FABP12: variants seen among roughly 807,000 people sequenced by gnomAD.
FABP12 encodes the protein fatty acid-binding protein 12.
In FABP12, 19 loss-of-function variants were observed where a neutral mutation model predicts 13.7. That is an observed-to-expected ratio of 1.39 (90% CI 0.97 to 2.04). The LOEUF (loss-of-function observed/expected upper bound fraction) is 2.04, where lower values mean the gene tolerates loss of function less well. Ranked by LOEUF, FABP12 falls within the 30% of genes most tolerant of loss-of-function variation. The pLI is 0.00. For synonymous variants in FABP12, 61 were observed against 57.0 expected (o/e 1.07, Z -0.32); for missense variants, 182 against 164.2 (o/e 1.11, Z -0.59).
chr8:81,569,716 A>G (rs1685287397), intron 1 of FABP12, among the ~76,000 whole-genome samples: 1 of 152,234 alleles, frequency 6.6e-6, no homozygotes, highest in African/African-American at 2.4e-5. Context: ...TGGGAATGAA[A>G]TGGGTTATTT....
At chr8:81,563,559 C>G (rs1474415540) in intron 1 of FABP12, among the ~76,000 whole-genome samples, 2 of 152,060 alleles carry the variant, frequency 1.3e-5, no homozygotes, top group Non-Finnish European at 2.9e-5. Flanking sequence ...AATTCAGAGT[C>G]TGATCAGATA....
chr8:81,577,738 C>T (rs147466602), intron 1 of FABP12, among the ~76,000 whole-genome samples: 13 of 152,080 alleles, frequency 8.5e-5, no homozygotes, highest in Middle Eastern at 3.4e-3. Flanking sequence ...CTAGCCTGGG[C>T]GACAAAGTGA....
At chr8:81,576,408 T>A (rs1445427279) in intron 1 of FABP12, among the ~76,000 whole-genome samples, 4 of 152,180 alleles carry the variant, frequency 2.6e-5, no homozygotes, top group Admixed American at 6.5e-5. Flanking sequence ...CCCACTCTAG[T>A]TCTCTATCAA....
intron 1 of FABP12, among the ~76,000 whole-genome samples, chr8:81,552,102 A>G (rs138165753): frequency 1.0e-3 from 152 of 152,234 alleles, no homozygotes; most frequent in African/African-American, 3.6e-3. Flanking sequence ...TACGAGGGAA[A>G]CTCAACACAG....
At chr8:81,536,997 A>T (rs1809238134), upstream of FABP12, among the ~76,000 whole-genome samples, 3 of 152,300 alleles carry the variant, frequency 2.0e-5, no homozygotes, top group South Asian at 6.2e-4. Flanking sequence ...AATTTTTAAA[A>T]CTGGGGATCA....
At chr8:81,529,608 T>C (rs915774483) in exon 3 of FABP12, 1 of 1,612,348 alleles carries the variant, frequency 6.2e-7, no homozygotes, top group Non-Finnish European at 8.5e-7. Flanking sequence ...GCTCTTCCTA[T>C]ACCTGGAAAC....
chr8:81,527,022 C>A, exon 4 of FABP12: 1 of 1,599,044 alleles, frequency 6.3e-7, no homozygotes, highest in African/African-American at 1.3e-5. Flanking sequence ...TAACTCACCA[C>A]CACCATTTTC....
chr8:81,554,175 C>G (rs977412631), intron 1 of FABP12, among the ~76,000 whole-genome samples: 1 of 152,086 alleles, frequency 6.6e-6, no homozygotes, highest in African/African-American at 2.4e-5. Context: ...GTGCAAGGCA[C>G]CTAAATTTAT....
At chr8:81,575,474 G>T (rs1810023648) in intron 1 of FABP12, among the ~76,000 whole-genome samples, 2 of 152,118 alleles carry the variant, frequency 1.3e-5, no homozygotes, top group South Asian at 4.1e-4. Context: ...AGGTCCATTT[G>T]TTCCAAGGTA....
intron 1 of FABP12, among the ~76,000 whole-genome samples, chr8:81,532,070 AATTTAGGCT>A (rs1374432454): frequency 6.6e-5 from 10 of 152,120 alleles, no homozygotes; most frequent in African/African-American, 2.4e-4. Context: ...AGTCCTCTTT[AATTTAGGCT>A]ACTTTCTGTT....
intron 1 of FABP12, among the ~76,000 whole-genome samples, chr8:81,583,252 T>TA (rs1205334009): frequency 6.6e-6 from 1 of 151,810 alleles, no homozygotes; most frequent in African/African-American, 2.4e-5. Flanking sequence ...ATCAAAAAAG[T>TA]AGAAATATTT....
chr8:81,578,930 G>A lies in FABP12; in HGVS notation c.-185+11123C>T, dbSNP rs10112268. On this transcript the variant is annotated intron_variant, in intron 1 of 5. Coordinates refer to the FABP12 transcript ENST00000692030. ...AGCTCTGCCTCCCTCCCGGGTTCAC[G>A]CCATTCTCCTGCCTCAGCCTCCGGA... 6.4e-3 allele frequency among the ~76,000 whole-genome samples: 943 copies of A among 146,724 alleles called. 15 individuals carry two copies. Among genetic ancestry groups the A allele is most frequent in the African/African-American group, 0.023 (894 of 39,002 alleles).
intron 1 of FABP12, among the ~76,000 whole-genome samples, chr8:81,562,412 C>G (rs538824919): frequency 6.6e-6 from 1 of 152,116 alleles, no homozygotes. Context: ...AAAGGGACTT[C>G]GTCTTGTAGC....
chr8:81,542,719 T>G (rs1201250040), intron 1 of FABP12, among the ~76,000 whole-genome samples: 4 of 152,206 alleles, frequency 2.6e-5, no homozygotes, highest in Non-Finnish European at 5.9e-5. Context: ...TATTTACGCA[T>G]GCACCCATTT....
chr8:81,582,910 T>C (rs1460745783), intron 1 of FABP12, among the ~76,000 whole-genome samples: 1 of 152,168 alleles, frequency 6.6e-6, no homozygotes, highest in Non-Finnish European at 1.5e-5. Context: ...TACATATTCT[T>C]CTCAGTACAT....
intron 1 of FABP12, among the ~76,000 whole-genome samples, chr8:81,552,359 A>T (rs1293016839): frequency 6.6e-6 from 1 of 152,196 alleles, no homozygotes; most frequent in East Asian, 1.9e-4. Flanking sequence ...TTACAACAGG[A>T]AACACTTAAG....
chr8:81,587,587 C>T (rs1810259341), intron 1 of FABP12, among the ~76,000 whole-genome samples: 1 of 152,018 alleles, frequency 6.6e-6, no homozygotes, highest in African/African-American at 2.4e-5. Context: ...CATTTCTATA[C>T]ACGAGTAATG....
At chr8:81,556,799 GT>G (rs1809624899) in intron 1 of FABP12, among the ~76,000 whole-genome samples, 1 of 146,204 alleles carries the variant, frequency 6.8e-6, no homozygotes, top group South Asian at 2.1e-4. Flanking sequence ...TATATATATG[GT>G]GCTTAAAACA....
intron 1 of FABP12, among the ~76,000 whole-genome samples, chr8:81,567,066 A>G (rs1302292884): frequency 6.6e-6 from 1 of 152,190 alleles, no homozygotes; most frequent in African/African-American, 2.4e-5. Context: ...AGCTACAAAT[A>G]AAATTAAATA....
Sources: allele counts gnomAD v4.1 joint callset (sites outside exome capture counted in the v4.1 genomes callset), GRCh38; gene constraint gnomAD v4.1.1; transcripts MANE v1.5; gene names NCBI Gene and HGNC (gene_info 2026-07-23, HGNC 2026-07-21).